NRAP: variants seen among roughly 807,000 people sequenced by gnomAD.
NRAP encodes nebulin-related-anchoring protein.
In NRAP, 189 loss-of-function variants were observed where a neutral mutation model predicts 225.9. That is an observed-to-expected ratio of 0.84 (90% confidence interval 0.74 to 0.94). The LOEUF (loss-of-function observed/expected upper bound fraction) is 0.94, where lower values mean the gene tolerates loss of function less well. Ranked by LOEUF, NRAP falls within the 40% of genes least tolerant of loss-of-function variation. NRAP has a pLI of 0.00. For missense variants in NRAP, 2,176 were observed against 2,168.7 expected, an observed-to-expected ratio of 1.00 and a Z score of -0.07; for synonymous variants, 769 against 790.7, an observed-to-expected ratio of 0.97 and a Z score of 0.46.
intron 19 of NRAP, 73 bp downstream of exon 19, chr10:113,629,515 G>T: frequency 1.9e-6 from 2 of 1,074,230 alleles, no homozygotes; most frequent in Non-Finnish European, 2.9e-6. Context: ...CTCGTGCACA[G>T]GTTTGAAATC....
intron 27 of NRAP, 145 bp downstream of exon 27, chr10:113,615,567 G>A: frequency 6.1e-6 from 4 of 656,794 alleles, no homozygotes; most frequent in Non-Finnish European, 1.1e-5. Flanking sequence ...GGGGCCCCTT[G>A]TTCAAAAATA....
chr10:113,610,684 G>T (rs1257429579), intron 30 of NRAP, 121 bp from the exon 31 acceptor site: 1 of 637,596 alleles, frequency 1.6e-6, no homozygotes, highest in East Asian at 2.8e-5. Flanking sequence ...ACTCAAGGCT[G>T]AACCCGTCCC....
chr10:113,647,011 T>A lies in NRAP; in HGVS notation c.905A>T (p.Tyr302Phe). ...DQYGQGYPEEYEEHRGKGSFP... is the reference protein window; with the variant it reads ...DQYGQGYPEEFEEHRGKGSFP... ...GCTGCCCTTTCCCCTGTGCTCCTCA[T>A]ACTCCTCCGGGTAACCCTGCCGGGT... Residue 302 changes from tyrosine (Y) to phenylalanine (F), a missense_variant, in exon 10 of 42, where the codon TAT becomes TTT. By Grantham distance (22) the Tyr-to-Phe change is conservative. Coordinates refer to ENST00000359988, the MANE Select transcript of NRAP (RefSeq NM_198060.4). 2 of 1,613,754 alleles carry A rather than the reference T, an allele frequency of 1.2e-6. No individual in the cohort carries two copies. Among genetic ancestry groups the A allele is most frequent in the Non-Finnish European group, 1.7e-6 (2 of 1,179,640 alleles).
At position 113,621,968 on chromosome 10, in the gene NRAP, G is replaced by C; in HGVS notation, c.2670C>G (p.Ala890=). The C allele has an allele frequency of 2.5e-6, 4 of 1,614,232 alleles. No homozygotes were observed. The highest frequency in any genetic ancestry group is 3.4e-6 in the Non-Finnish European group (4 of 1,180,048). Residue 890 remains alanine (A), a synonymous_variant, in exon 24 of 42, where the codon GCC becomes GCG. Coordinates refer to ENST00000359988, the MANE Select transcript of NRAP (RefSeq NM_198060.4). ...CCGCTGTCTTGTAGCCTACGTCTGT[G>C]GCTAAATGCTGAGCTTTGCGGGCAT... ...LVHARKAQHL[A]TDVGYKTAEH...
intron 29 of NRAP, 125 bp downstream of exon 29, chr10:113,614,058 T>A: frequency 1.4e-6 from 1 of 696,308 alleles, no homozygotes. Flanking sequence ...TTTAACAATG[T>A]CACGTAGCAA....
intron 23 of NRAP, among the ~76,000 whole-genome samples, chr10:113,622,723 G>A (rs893155596): frequency 1.3e-5 from 2 of 152,136 alleles, no homozygotes; most frequent in African/African-American, 4.8e-5. Context: ...AACAACAACA[G>A]TATCAATATC....
intron 3 of NRAP, among the ~76,000 whole-genome samples, chr10:113,660,352 A>G (rs954461826): frequency 2.0e-5 from 3 of 151,878 alleles, no homozygotes; most frequent in African/African-American, 7.3e-5. Flanking sequence ...ACACATATAC[A>G]CACTCTCCGG....
Position 113,590,630 on chromosome 10 carries a change from G to A in NRAP, c.4904C>T (p.Pro1635Leu), listed in dbSNP as rs377234885. The change falls in exon 40 of 42, where the codon CCG (proline) becomes CTG (leucine). Residue 1635 changes from proline (P) to leucine (L), a missense_variant. Pro to Leu is a moderately conservative substitution (Grantham distance 98). Transcript: ENST00000359988. ...AGCATGCCTGAGGCCCAGCTGCTCC[G>A]GGTCGCAGGTGGGCTGGGGCAGGGG... is the stretch of plus-strand genomic sequence containing the variant. ...RQPLPQPTCD[P>L]EQLGLRHAQK... The A allele has an allele frequency of 1.5e-5, 25 of 1,613,748 alleles. No homozygotes were observed. Among genetic ancestry groups the A allele is most frequent in the African/African-American group, 1.1e-4 (8 of 74,892 alleles).
At chr10:113,619,799 A>G (rs1376290706) in intron 25 of NRAP, among the ~76,000 whole-genome samples, 1 of 152,110 alleles carries the variant, frequency 6.6e-6, no homozygotes, top group Non-Finnish European at 1.5e-5. Context: ...CATAAAGAGC[A>G]CGGGTGTGAG....
At chr10:113,600,335 C>T (rs941358600) in intron 35 of NRAP, among the ~76,000 whole-genome samples, 2 of 142,932 alleles carry the variant, frequency 1.4e-5, no homozygotes, top group African/African-American at 2.6e-5. Flanking sequence ...CCACAACTGC[C>T]TCATTTTTTT....
intron 22 of NRAP, among the ~76,000 whole-genome samples, chr10:113,624,484 G>A (rs1476292674): frequency 6.6e-6 from 1 of 152,148 alleles, no homozygotes; most frequent in Non-Finnish European, 1.5e-5. Context: ...GGCAACCGAG[G>A]ATCAAACCCA....
intron 35 of NRAP, among the ~76,000 whole-genome samples, chr10:113,603,543 T>G (rs778459943): frequency 6.6e-5 from 10 of 152,268 alleles, no homozygotes; most frequent in Non-Finnish European, 1.5e-4. Flanking sequence ...GTCAGACTGC[T>G]TTCGCAAGTT....
chr10:113,644,568 G>A (rs1044550904), intron 11 of NRAP, among the ~76,000 whole-genome samples: 1 of 152,216 alleles, frequency 6.6e-6, no homozygotes, highest in African/African-American at 2.4e-5. Context: ...AGGTTGTAGT[G>A]TGTTGACCTC....
chr10:113,631,277 T>C (rs1848559664), intron 18 of NRAP, among the ~76,000 whole-genome samples: 1 of 152,178 alleles, frequency 6.6e-6, no homozygotes, highest in Non-Finnish European at 1.5e-5. Context: ...CTTTGTACCT[T>C]GATCAGCAGA....
chr10:113,647,053 T>C (rs775601351), intron 9 of NRAP, 26 bp from the exon 10 acceptor site: 47 of 1,430,204 alleles, frequency 3.3e-5, no homozygotes, highest in Non-Finnish European at 4.5e-5. Flanking sequence ...AAAACTTCAG[T>C]GAGTAATGCT....
intron 30 of NRAP, 99 bp from the exon 31 acceptor site, chr10:113,610,662 G>C (rs552789465): frequency 1.4e-6 from 1 of 702,506 alleles, no homozygotes. Flanking sequence ...ATCTGACAGC[G>C]TCATAATTAG....
chr10:113,614,444 T>C, intron 28 of NRAP, 148 bp from the exon 29 acceptor site: 1 of 644,610 alleles, frequency 1.6e-6, no homozygotes, highest in Non-Finnish European at 2.8e-6. Flanking sequence ...AAAAGGGCTA[T>C]TCTTTCATAT....
At position 113,624,864 on chromosome 10, in the gene NRAP, A is replaced by T; in HGVS notation, c.2311T>A (p.Phe771Ile). 2.5e-6 allele frequency: 4 copies of T among 1,613,964 alleles called. No homozygotes were observed. The highest frequency in any genetic ancestry group is 2.5e-6 in the Non-Finnish European group (3 of 1,179,834). Residue 771 changes from phenylalanine (F) to isoleucine (I), a missense_variant, in exon 22 of 42, where the codon TTC becomes ATC. Phe to Ile is a conservative substitution (Grantham distance 21). This residue lies in a region of NRAP where 1,708 missense variants were observed against 1,695.5 expected (regional missense o/e 1.01). Coordinates refer to ENST00000359988, the MANE Select transcript of NRAP (RefSeq NM_198060.4). Reference protein sequence around the residue: ...QYTISKDEPLFLQARANAANL... With the variant: ...QYTISKDEPLILQARANAANL... ...GCAGCATTGGCTCGGGCCTGCAGGA[A>T]GAGAGGCTCGTCTTTGCTGATGGTA...
chr10:113,641,254 C>G (rs1849183705), intron 13 of NRAP, 111 bp downstream of exon 13: 1 of 668,592 alleles, frequency 1.5e-6, no homozygotes. Flanking sequence ...TTTACACAGT[C>G]TTTAAAATAG....
Sources: gnomAD v4.1 joint callset for allele counts (sites outside exome capture counted in the v4.1 genomes callset) on GRCh38, gnomAD v4.1.1 for gene constraint, gnomAD v4.1.1 regional missense constraint, MANE v1.5 for transcripts, NCBI Gene and HGNC (gene_info 2026-07-23, HGNC 2026-07-21) for gene names.